LOC128092253: variants seen among roughly 807,000 people sequenced by gnomAD.
At chr6:133,968,238 A>T in the LOC128092253 span, among the ~76,000 whole-genome samples, 7,159 of 152,180 alleles carry the variant, frequency 0.047, 575 homozygotes, top group African/African-American at 0.16. Context: ...CCACCTGGCC[A>T]GGTGACTATT....
chr6:133,969,320 T>TA, the LOC128092253 span, among the ~76,000 whole-genome samples: 2 of 150,358 alleles, frequency 1.3e-5, no homozygotes, highest in African/African-American at 4.9e-5. Context: ...TAATTTCCAT[T>TA]AAAAAATAGT....
chr6:133,972,778 A>T, the LOC128092253 span, among the ~76,000 whole-genome samples: 1 of 152,156 alleles, frequency 6.6e-6, no homozygotes, highest in African/African-American at 2.4e-5. Flanking sequence ...ATATTCAACT[A>T]TTGGTGAATC....
chr6:133,974,928 AAC>A, the LOC128092253 span, among the ~76,000 whole-genome samples: 2 of 152,376 alleles, frequency 1.3e-5, no homozygotes, highest in East Asian at 3.9e-4. Context: ...GGATAATGAA[AAC>A]ACATATCCAA....
chr6:133,967,958 A>G, the LOC128092253 span, among the ~76,000 whole-genome samples: 1 of 152,046 alleles, frequency 6.6e-6, no homozygotes, highest in African/African-American at 2.4e-5. Flanking sequence ...ATGTGCTTAT[A>G]TGAGCACAGG....
the LOC128092253 span, among the ~76,000 whole-genome samples, chr6:133,979,044 G>C: frequency 1.3e-5 from 2 of 152,244 alleles, no homozygotes; most frequent in South Asian, 2.1e-4. Context: ...ACTGGGGCTT[G>C]TTTGTTTGTA....
At chr6:133,975,814 G>A in the LOC128092253 span, among the ~76,000 whole-genome samples, 1 of 152,174 alleles carries the variant, frequency 6.6e-6, no homozygotes, top group South Asian at 2.1e-4. Context: ...TGATTTGGAA[G>A]AACAGCATGG....
chr6:133,978,343 C>G, the LOC128092253 span, among the ~76,000 whole-genome samples: 1 of 152,294 alleles, frequency 6.6e-6, no homozygotes, highest in East Asian at 1.9e-4. Context: ...TTTCACAACA[C>G]TGCTGTGTGG....
At chr6:133,965,992 C>CAA in the LOC128092253 span, among the ~76,000 whole-genome samples, 1 of 152,054 alleles carries the variant, frequency 6.6e-6, no homozygotes, top group Non-Finnish European at 1.5e-5. Flanking sequence ...GTTAACTTAC[C>CAA]CACAGTCATA....
the LOC128092253 span, among the ~76,000 whole-genome samples, chr6:133,955,482 T>C: frequency 6.6e-6 from 1 of 152,130 alleles, no homozygotes. Context: ...TTCATTAATG[T>C]GATTTTATCT....
At chr6:133,975,712 C>T in the LOC128092253 span, among the ~76,000 whole-genome samples, 2 of 152,046 alleles carry the variant, frequency 1.3e-5, no homozygotes, top group Non-Finnish European at 2.9e-5. Context: ...GAATATAACA[C>T]TGTGTATAAC....
chr6:133,977,486 A>C, the LOC128092253 span, among the ~76,000 whole-genome samples: 1 of 152,282 alleles, frequency 6.6e-6, no homozygotes, highest in South Asian at 2.1e-4. Flanking sequence ...GGCAGAACTC[A>C]AAGTAGTAAA....
At chr6:133,973,620 G>A in the LOC128092253 span, among the ~76,000 whole-genome samples, 1 of 152,194 alleles carries the variant, frequency 6.6e-6, no homozygotes, top group Non-Finnish European at 1.5e-5. Context: ...AGTTGCTGGA[G>A]TAATGTTTTT....
the LOC128092253 span, among the ~76,000 whole-genome samples, chr6:133,966,258 C>G: frequency 2.0e-5 from 3 of 152,134 alleles, no homozygotes; most frequent in Non-Finnish European, 4.4e-5. Context: ...AAGATTTGAT[C>G]ATGCTTCTGA....
chr6:133,966,962 T>G, the LOC128092253 span, among the ~76,000 whole-genome samples: 6 of 152,228 alleles, frequency 3.9e-5, no homozygotes, highest in Admixed American at 2.6e-4. Context: ...TTCTTGCTTC[T>G]TTTTTAGCTA....
chr6:133,953,553 G>C, the LOC128092253 span: 1 of 152,522 alleles, frequency 6.6e-6, no homozygotes, highest in East Asian at 1.9e-4. Context: ...TGGGATGTGT[G>C]GGGGCGGGCG....
At chr6:133,977,771 A>G in the LOC128092253 span, among the ~76,000 whole-genome samples, 1 of 147,610 alleles carries the variant, frequency 6.8e-6, no homozygotes, top group Non-Finnish European at 1.5e-5. Flanking sequence ...GGAGATTCAC[A>G]GCGTCAGGGG....
the LOC128092253 span, among the ~76,000 whole-genome samples, chr6:133,973,536 A>G: frequency 0.025 from 3,813 of 152,188 alleles, 77 homozygotes; most frequent in African/African-American, 0.052. Context: ...TTTTAAATGC[A>G]GTAGTCTTTG....
chr6:133,970,117 G>GT, the LOC128092253 span, among the ~76,000 whole-genome samples: 1 of 152,134 alleles, frequency 6.6e-6, no homozygotes, highest in Non-Finnish European at 1.5e-5. Context: ...TAAGTATCTG[G>GT]TTTTTTGTGT....
At chr6:133,963,902 G>A in the LOC128092253 span, among the ~76,000 whole-genome samples, 2 of 151,604 alleles carry the variant, frequency 1.3e-5, no homozygotes, top group Admixed American at 1.3e-4. Context: ...TTAGCCAGGC[G>A]TGGTGGCGGG....
Sources: allele counts gnomAD v4.1 joint callset (sites outside exome capture counted in the v4.1 genomes callset), GRCh38; gene constraint gnomAD v4.1.1; transcripts MANE v1.5.